The following KCNMA1 variants were observed in gnomAD, a reference collection of about 807,000 sequenced individuals.
The protein encoded by KCNMA1 is Calcium-activated potassium channel subunit alpha-1.
KCNMA1 carries 29 observed loss-of-function variants against 140.0 expected under a neutral mutation model. That is an observed-to-expected ratio of 0.21 (90% CI 0.15 to 0.28). The LOEUF (loss-of-function observed/expected upper bound fraction) is 0.28. Ranked by LOEUF, KCNMA1 falls within the 10% of genes least tolerant of loss-of-function variation. The pLI is 1.00. For missense variants in KCNMA1, 880 were observed against 1,602.2 expected (o/e 0.55, Z 7.70); for synonymous variants, 612 against 611.9 (o/e 1.00, Z 0.00).
chr10:77,010,455 G>A (rs1332878917), intron 18 of KCNMA1, among the ~76,000 whole-genome samples: 4 of 151,928 alleles, frequency 2.6e-5, no homozygotes, highest in African/African-American at 9.7e-5. Context: ...TGTCAGAATC[G>A]GGGAATTCTT....
chr10:77,168,549 T>C (rs193033709), intron 5 of KCNMA1, among the ~76,000 whole-genome samples: 2 of 152,306 alleles, frequency 1.3e-5, no homozygotes, highest in East Asian at 1.9e-4. Context: ...TTTGTGCATC[T>C]AAACATATAA....
chr10:77,363,749 A>G (rs1448041932), intron 2 of KCNMA1, among the ~76,000 whole-genome samples: 1 of 150,876 alleles, frequency 6.6e-6, no homozygotes, highest in Admixed American at 6.6e-5. Flanking sequence ...TGAGACATAC[A>G]CTCCTCCCCG....
intron 2 of KCNMA1, among the ~76,000 whole-genome samples, chr10:77,325,622 C>T (rs2083880096): frequency 2.0e-5 from 3 of 152,224 alleles, no homozygotes; most frequent in Admixed American, 1.3e-4. Context: ...CCACTGGGCC[C>T]ATCCCCATTC....
At position 76,886,049 on chromosome 10, in the gene KCNMA1, G is replaced by T. The variant is rs1457099294; in HGVS notation, c.*1217C>A. 9.1e-6 allele frequency: 9 copies of T among 985,410 alleles called. No homozygotes were observed. Among genetic ancestry groups the T allele is most frequent in the Non-Finnish European group, 1.1e-5 (9 of 829,938 alleles). 61.0% of individuals were successfully genotyped at this position (985,410 alleles called of 1,614,324 possible). A position where few individuals can be genotyped will look rare whatever the true frequency, so the allele number is the denominator to read the frequency against. ...TTGGGACAGCCAGCACCGCACAGCT[G>T]TGCCAACAGTTGAAGGTGGTGGCTG... is the stretch of plus-strand genomic sequence containing the variant. On this transcript the variant is annotated 3_prime_UTR_variant, in exon 28 of 28. Transcript: ENST00000286628.
At chr10:77,304,640 A>G (rs1305864531) in intron 2 of KCNMA1, 2 of 152,242 alleles carry the variant, frequency 1.3e-5, no homozygotes, top group African/African-American at 4.8e-5. Context: ...AAATCTACCA[A>G]AAGTGGATCA....
chr10:77,456,503 C>T (rs530950896), intron 1 of KCNMA1, among the ~76,000 whole-genome samples: 2 of 152,302 alleles, frequency 1.3e-5, no homozygotes, highest in East Asian at 1.9e-4. Flanking sequence ...CTTCTACCTC[C>T]GTGACAGCAG....
chr10:77,369,063 G>C (rs948844473), intron 2 of KCNMA1, among the ~76,000 whole-genome samples: 8 of 152,150 alleles, frequency 5.3e-5, no homozygotes, highest in Admixed American at 3.3e-4. Context: ...AAATTGGTTT[G>C]TTTATATCTG....
intron 1 of KCNMA1, among the ~76,000 whole-genome samples, chr10:77,583,616 G>C (rs2076441209): frequency 6.6e-6 from 1 of 152,230 alleles, no homozygotes; most frequent in Non-Finnish European, 1.5e-5. Context: ...TTCCTCCTCT[G>C]ATGAGTGACT....
chr10:77,170,168 G>A (rs920443950), intron 5 of KCNMA1, among the ~76,000 whole-genome samples: 2 of 152,210 alleles, frequency 1.3e-5, no homozygotes, highest in South Asian at 4.1e-4. Flanking sequence ...TCCAGCCTGG[G>A]CAACAATGCA....
chr10:77,045,312 G>C (rs2094977973), intron 14 of KCNMA1, among the ~76,000 whole-genome samples: 1 of 152,176 alleles, frequency 6.6e-6, no homozygotes, highest in South Asian at 2.1e-4. Context: ...AGCATTTCCT[G>C]AGGCAGCAAT....
intron 1 of KCNMA1, among the ~76,000 whole-genome samples, chr10:77,409,929 G>T (rs1253246145): frequency 6.6e-6 from 1 of 152,186 alleles, no homozygotes; most frequent in Non-Finnish European, 1.5e-5. Context: ...GTCCTGCCTT[G>T]TCACCCTGCC....
chr10:77,401,357 G>A (rs11817503), intron 2 of KCNMA1, among the ~76,000 whole-genome samples: 29,892 of 151,934 alleles, frequency 0.2, 3,226 homozygotes, highest in Non-Finnish European at 0.25. Context: ...GGGTTTCACT[G>A]TGTTAGCCAG....
intron 6 of KCNMA1, among the ~76,000 whole-genome samples, chr10:77,113,189 A>C (rs2097367175): frequency 6.7e-6 from 1 of 149,854 alleles, no homozygotes; most frequent in Non-Finnish European, 1.5e-5. Flanking sequence ...TACAGGCCAT[A>C]TAGACATTGT....
intron 2 of KCNMA1, among the ~76,000 whole-genome samples, chr10:77,342,624 T>C (rs184168810): frequency 6.6e-6 from 1 of 152,334 alleles, no homozygotes; most frequent in Non-Finnish European, 1.5e-5. Context: ...ACCACACGAA[T>C]GCTTCTCCTT....
At chr10:76,964,415 T>C (rs2073038201) in intron 20 of KCNMA1, among the ~76,000 whole-genome samples, 1 of 152,126 alleles carries the variant, frequency 6.6e-6, no homozygotes, top group Admixed American at 6.5e-5. Context: ...TTGTACAAGA[T>C]GCTCTTGACA....
intron 15 of KCNMA1, among the ~76,000 whole-genome samples, chr10:77,033,336 T>A (rs574797165): frequency 5.6e-4 from 85 of 152,082 alleles, no homozygotes; most frequent in Non-Finnish European, 1.1e-3. Flanking sequence ...TTCATGGAAA[T>A]GTTAAGACTC....
intron 23 of KCNMA1, among the ~76,000 whole-genome samples, chr10:76,930,498 A>AAG (rs1234722359): frequency 6.6e-6 from 1 of 152,212 alleles, no homozygotes; most frequent in African/African-American, 2.4e-5. Context: ...TTGGAGAGAA[A>AAG]AGTGAACCCT....
chr10:77,298,616 C>T (rs1339513016), intron 2 of KCNMA1, among the ~76,000 whole-genome samples: 3 of 44,008 alleles, frequency 6.8e-5, no homozygotes, highest in African/African-American at 3.5e-4. Context: ...GGCACCCTAA[C>T]TGAAAAAAAA....
chr10:77,417,127 G>T (rs2096759063), intron 1 of KCNMA1, among the ~76,000 whole-genome samples: 1 of 152,114 alleles, frequency 6.6e-6, no homozygotes, highest in African/African-American at 2.4e-5. Context: ...CATCCTCCCT[G>T]ATCAAATCCC....
Sources: gnomAD v4.1 joint callset for allele counts (sites outside exome capture counted in the v4.1 genomes callset) on GRCh38, gnomAD v4.1.1 for gene constraint, MANE v1.5 for transcripts, NCBI Gene and HGNC (gene_info 2026-07-23, HGNC 2026-07-21) for gene names.